Variants in HERPUD2 observed in about 807,000 individuals in gnomAD.
HERPUD2 encodes HERPUD family member 2.
HERPUD2 carries 13 observed loss-of-function variants against 49.9 expected under a neutral mutation model. That is an observed-to-expected ratio of 0.26 (90% CI 0.17 to 0.41). HERPUD2 has a LOEUF of 0.41. Among genes scored for constraint, HERPUD2 ranks in the 10% least tolerant of loss-of-function variants. The pLI, the probability that HERPUD2 is intolerant of heterozygous loss-of-function variation, is 1.00. For synonymous variants in HERPUD2, 172 were observed against 171.4 expected, an observed-to-expected ratio of 1.00 and a Z score of -0.03; for missense variants, 449 against 492.2, an observed-to-expected ratio of 0.91 and a Z score of 0.83.
At chr7:35,675,038 G>A (rs1298922879) in intron 2 of HERPUD2, among the ~76,000 whole-genome samples, 2 of 152,126 alleles carry the variant, frequency 1.3e-5, no homozygotes, top group Non-Finnish European at 2.9e-5. Flanking sequence ...ATAACCAGTT[G>A]GTCAAAAACA....
chr7:35,671,410 T>C (rs1416347113), intron 3 of HERPUD2, among the ~76,000 whole-genome samples: 3 of 151,990 alleles, frequency 2.0e-5, no homozygotes, highest in Non-Finnish European at 2.9e-5. Flanking sequence ...AGAGACAGCA[T>C]GACAGAAGGT....
At chr7:35,650,406 C>T (rs1439372657) in intron 5 of HERPUD2, among the ~76,000 whole-genome samples, 1 of 152,112 alleles carries the variant, frequency 6.6e-6, no homozygotes. Context: ...TGCACACGGG[C>T]CCCGAGACTA....
At chr7:35,674,404 T>TATAGAG (rs1785711309) in intron 2 of HERPUD2, among the ~76,000 whole-genome samples, 6 of 38,128 alleles carry the variant, frequency 1.6e-4, no homozygotes, top group African/African-American at 3.8e-4. Flanking sequence ...TATATATATA[T>TATAGAG]AGAGAGAGAG....
intron 2 of HERPUD2, among the ~76,000 whole-genome samples, chr7:35,687,230 C>G (rs187736613): frequency 2.8e-4 from 43 of 152,298 alleles, no homozygotes; most frequent in African/African-American, 8.2e-4. Flanking sequence ...ACTCAGGGTT[C>G]ACAAATCTAA....
At position 35,635,396 on chromosome 7, in the gene HERPUD2, T is replaced by C. The variant is rs1275042769; in HGVS notation, c.680A>G (p.Gln227Arg). The part of the protein sequence containing the change: ...NVNPTQPTTS[Q>R]PLNLAHVPGE... ...AGGAACATGTGCCAAATTTAGAGGCTGTGAAGTAGTAGGCTGGGTTGGGTT... is the reference window on the plus strand; with the variant it reads ...AGGAACATGTGCCAAATTTAGAGGCCGTGAAGTAGTAGGCTGGGTTGGGTT... The change falls in exon 7 of 9, where the codon CAG becomes CGG. Residue 227 changes from glutamine (Q) to arginine (R), a missense_variant. By Grantham distance (43) the Gln-to-Arg change is conservative (BLOSUM62 1). Coordinates refer to ENST00000311350, the MANE Select transcript of HERPUD2 (RefSeq NM_022373.5). 1.2e-6 allele frequency: 2 copies of C among 1,614,032 alleles called. No homozygotes were observed. The highest frequency in any genetic ancestry group is 1.7e-6 in the Non-Finnish European group (2 of 1,180,030).
At chr7:35,693,263 A>G (rs950109389) in intron 2 of HERPUD2, among the ~76,000 whole-genome samples, 1 of 152,192 alleles carries the variant, frequency 6.6e-6, no homozygotes, top group Non-Finnish European at 1.5e-5. Flanking sequence ...GATGCACCAA[A>G]TGGTGGTGGG....
chr7:35,652,114 T>C (rs1217114235), intron 5 of HERPUD2, among the ~76,000 whole-genome samples: 2 of 152,180 alleles, frequency 1.3e-5, no homozygotes, highest in Non-Finnish European at 2.9e-5. Context: ...CTAAAATTTC[T>C]ATACATTTCT....
At chr7:35,684,537 TAC>T (rs1387671860) in intron 2 of HERPUD2, among the ~76,000 whole-genome samples, 2 of 145,472 alleles carry the variant, frequency 1.4e-5, no homozygotes, top group Admixed American at 6.9e-5. Flanking sequence ...TATATATATA[TAC>T]ATATGTGACG....
At chr7:35,657,530 G>C (rs1785300480) in intron 5 of HERPUD2, among the ~76,000 whole-genome samples, 1 of 150,180 alleles carries the variant, frequency 6.7e-6, no homozygotes, top group Admixed American at 6.7e-5. Flanking sequence ...GCCGAGGTGG[G>C]AGAATCGCTT....
At chr7:35,667,825 G>A (rs1473186146) in intron 4 of HERPUD2, among the ~76,000 whole-genome samples, 2 of 152,070 alleles carry the variant, frequency 1.3e-5, no homozygotes, top group Non-Finnish European at 1.5e-5. Flanking sequence ...AATGGCCGAG[G>A]AGCAGAATAA....
At chr7:35,637,271 T>C (rs757698378) in intron 6 of HERPUD2, among the ~76,000 whole-genome samples, 5 of 152,114 alleles carry the variant, frequency 3.3e-5, no homozygotes, top group Non-Finnish European at 7.4e-5. Flanking sequence ...GAAAGAGCTA[T>C]TGAAGTCAAG....
chr7:35,649,575 T>C (rs1785122042), intron 5 of HERPUD2, among the ~76,000 whole-genome samples: 2 of 152,092 alleles, frequency 1.3e-5, no homozygotes, highest in African/African-American at 4.8e-5. Flanking sequence ...TAGGGAGACA[T>C]GGGACATCAA....
intron 2 of HERPUD2, among the ~76,000 whole-genome samples, chr7:35,684,537 T>C (rs373249248): frequency 2.2e-4 from 32 of 145,586 alleles, no homozygotes; most frequent in African/African-American, 4.3e-4. Flanking sequence ...TATATATATA[T>C]ACATATGTGA....
At chr7:35,684,429 T>C (rs1039742722) in intron 2 of HERPUD2, among the ~76,000 whole-genome samples, 15 of 151,014 alleles carry the variant, frequency 9.9e-5, no homozygotes, top group African/African-American at 3.6e-4. Flanking sequence ...CTTGCACAAA[T>C]ATTTATAGCA....
intron 2 of HERPUD2, among the ~76,000 whole-genome samples, chr7:35,683,687 C>T (rs950563448): frequency 2.6e-5 from 4 of 152,048 alleles, no homozygotes; most frequent in African/African-American, 4.8e-5. Flanking sequence ...GACTAATATC[C>T]GGTATCTACA....
intron 6 of HERPUD2, among the ~76,000 whole-genome samples, chr7:35,637,521 G>A (rs1784890956): frequency 6.6e-6 from 1 of 152,112 alleles, no homozygotes; most frequent in Non-Finnish European, 1.5e-5. Context: ...CTGAATTTGA[G>A]GTAAAGGCTC....
intron 5 of HERPUD2, among the ~76,000 whole-genome samples, chr7:35,666,114 T>C (rs1255394589): frequency 1.3e-5 from 2 of 152,216 alleles, no homozygotes; most frequent in African/African-American, 4.8e-5. Context: ...TGAATTACTG[T>C]CATAAGACAA....
intron 5 of HERPUD2, among the ~76,000 whole-genome samples, chr7:35,664,895 C>G (rs542978540): frequency 6.6e-6 from 1 of 152,108 alleles, no homozygotes; most frequent in African/African-American, 2.4e-5. Flanking sequence ...CGCCTTCTCT[C>G]GACTCGTCAA....
At chr7:35,648,226 A>G (rs1371433620) in intron 5 of HERPUD2, among the ~76,000 whole-genome samples, 1 of 152,234 alleles carries the variant, frequency 6.6e-6, no homozygotes, top group Non-Finnish European at 1.5e-5. Flanking sequence ...TCCTAAAATA[A>G]TAACTGCTAA....
Sources: allele counts gnomAD v4.1 joint callset (sites outside exome capture counted in the v4.1 genomes callset), GRCh38; gene constraint gnomAD v4.1.1; transcripts MANE v1.5; gene names NCBI Gene and HGNC (gene_info 2026-07-23, HGNC 2026-07-21).